SLC39A10: variants seen among roughly 807,000 people sequenced by gnomAD.
SLC39A10 encodes the protein solute carrier family 39 member 10.
A neutral mutation model predicts 65.1 loss-of-function variants in SLC39A10; 13 were observed. The observed-to-expected ratio is 0.20, with a 90% CI of 0.13 to 0.32. The LOEUF is 0.32. Ranked by LOEUF, SLC39A10 falls within the 10% of genes least tolerant of loss-of-function variation. SLC39A10 has a pLI of 1.00. For synonymous variants in SLC39A10, 321 were observed against 342.2 expected (o/e 0.94, Z 0.68); for missense variants, 831 against 1,018.4 (o/e 0.82, Z 2.50).
intron 2 of SLC39A10, among the ~76,000 whole-genome samples, chr2:195,625,668 G>T (rs549182818): frequency 1.3e-4 from 20 of 152,252 alleles, no homozygotes; most frequent in African/African-American, 4.8e-4. Context: ...GTACCTAATT[G>T]TGTGCAAGGC....
chr2:195,698,318 T>G (rs977321078), intron 3 of SLC39A10, among the ~76,000 whole-genome samples: 11 of 152,172 alleles, frequency 7.2e-5, no homozygotes, highest in African/African-American at 2.4e-4. Flanking sequence ...TTTTAATTTT[T>G]TTCTTGCCTA....
In SLC39A10 at chr2:195,618,353, C is replaced by CAA. The variant is rs34831034; in HGVS notation, c.-12+12134_-12+12135dup. Among the ~76,000 whole-genome samples the CAA allele has an allele frequency of 5.3e-4, 55 of 103,898 alleles. 1 individual carries two copies. Among genetic ancestry groups the CAA allele is most frequent in the Admixed American group, 9.5e-4 (10 of 10,500 alleles). The allele number at this position is 103,898 out of a possible 152,430, so 68.2% of individuals were successfully genotyped here. A position where few individuals can be genotyped will look rare whatever the true frequency, so the allele number is the denominator to read the frequency against. On this transcript the variant is annotated intron_variant, in intron 2 of 2. Transcript: ENST00000458054. ...GTGTCAGAATGAGACTCCGTCTCAC[C>CAA]AAAAAAAAAAAAAAAGAGAGAGAAA...
intron 6 of SLC39A10, among the ~76,000 whole-genome samples, chr2:195,715,278 G>A (rs1268724849): frequency 7.9e-5 from 12 of 151,658 alleles, no homozygotes; most frequent in East Asian, 3.9e-4. Context: ...CTGTCATCCC[G>A]GCACTTTGGG....
intron 3 of SLC39A10, among the ~76,000 whole-genome samples, 191 bp from the exon 4 acceptor site, chr2:195,706,425 C>A (rs1423435797): frequency 6.7e-6 from 1 of 149,698 alleles, no homozygotes; most frequent in Non-Finnish European, 1.5e-5. Flanking sequence ...TGTCTTAATT[C>A]TTTTTAAAAA....
In SLC39A10 at chr2:195,735,058, C is replaced by T; in HGVS notation, c.*17C>T. ...CAGTTTTGACCTTTCCCAGTAATCA[C>T]TGTTGATTACGAGAATGTTACCATG... is the stretch of plus-strand genomic sequence containing the variant. On this transcript the variant is annotated 3_prime_UTR_variant, in exon 10 of 10. Coordinates refer to ENST00000359634, the MANE Select transcript of SLC39A10 (RefSeq NM_020342.3). 1 of 1,603,096 alleles carries T rather than the reference C, an allele frequency of 6.2e-7. No individual in the cohort carries two copies. Among genetic ancestry groups the T allele is most frequent in the Non-Finnish European group, 8.5e-7 (1 of 1,175,094 alleles).
At chr2:195,620,807 A>C (rs574354303) in intron 2 of SLC39A10, among the ~76,000 whole-genome samples, 21 of 152,354 alleles carry the variant, frequency 1.4e-4, no homozygotes, top group African/African-American at 5.0e-4. Context: ...GAATGTATCC[A>C]ATCAAAGTTT....
chr2:195,731,804 A>C (rs905887645), intron 9 of SLC39A10, among the ~76,000 whole-genome samples: 2 of 152,206 alleles, frequency 1.3e-5, no homozygotes, highest in Admixed American at 6.5e-5. Flanking sequence ...ATTAGAAGCA[A>C]GGGGAAGGGT....
chr2:195,632,516 C>T (rs1688609458), intron 2 of SLC39A10, among the ~76,000 whole-genome samples: 1 of 151,964 alleles, frequency 6.6e-6, no homozygotes, highest in Admixed American at 6.6e-5. Context: ...CCAGGCTGGT[C>T]TCAAACTCCT....
chr2:195,718,474 G>C (rs1475825011), intron 8 of SLC39A10, 142 bp downstream of exon 8: 1 of 532,076 alleles, frequency 1.9e-6, no homozygotes, highest in Non-Finnish European at 3.4e-6. Flanking sequence ...GATACTTCAT[G>C]ATGTTAAAAT....
intron 5 of SLC39A10, 57 bp downstream of exon 5, chr2:195,708,901 C>A: frequency 7.8e-7 from 1 of 1,278,498 alleles, no homozygotes; most frequent in Non-Finnish European, 1.1e-6. Context: ...AAAAATTATC[C>A]TTTTCTGGGT....
intron 2 of SLC39A10, 43 bp downstream of exon 2, chr2:195,681,093 C>T (rs16838394): frequency 0.13 from 193,972 of 1,543,086 alleles, 13,354 homozygotes; most frequent in African/African-American, 0.23. Context: ...GTAATTCTCA[C>T]ATAATTGTGG....
chr2:195,635,572 A>G (rs140731534), intron 2 of SLC39A10, among the ~76,000 whole-genome samples: 2 of 152,298 alleles, frequency 1.3e-5, no homozygotes, highest in Non-Finnish European at 2.9e-5. Flanking sequence ...CAGGCACCAT[A>G]TAAAGTTTCA....
intron 2 of SLC39A10, among the ~76,000 whole-genome samples, chr2:195,639,555 G>C (rs575263840): frequency 2.0e-5 from 3 of 152,182 alleles, no homozygotes; most frequent in Admixed American, 2.0e-4. Context: ...TTTAATGAGT[G>C]GGAAGTTATG....
At chr2:195,652,613 T>TTATTATGCCGATGAAGCCTCCAC (rs1689061609), upstream of SLC39A10, among the ~76,000 whole-genome samples, 1 of 151,668 alleles carries the variant, frequency 6.6e-6, no homozygotes, top group Non-Finnish European at 1.5e-5. Context: ...ACCAAGGTTC[T>TTATTATGCCGATGAAGCCTCCAC]TATTATGCCG....
intron 2 of SLC39A10, among the ~76,000 whole-genome samples, chr2:195,613,905 G>A (rs1031660999): frequency 6.6e-6 from 1 of 152,084 alleles, no homozygotes; most frequent in Non-Finnish European, 1.5e-5. Flanking sequence ...AAACTTATTA[G>A]CAATGTGGAG....
At chr2:195,656,865 T>C (rs1289722688), upstream of SLC39A10, 1 of 152,230 alleles carries the variant, frequency 6.6e-6, no homozygotes, top group African/African-American at 2.4e-5. Flanking sequence ...AGGCGAATGA[T>C]AAAGGGCGCT....
At chr2:195,657,793 CCTT>C (rs1689216200) in intron 1 of SLC39A10, among the ~76,000 whole-genome samples, 1 of 151,984 alleles carries the variant, frequency 6.6e-6, no homozygotes, top group African/African-American at 2.4e-5. Flanking sequence ...CTTCTCCAGT[CCTT>C]CTCTCTGGTC....
chr2:195,717,188 T>C, intron 7 of SLC39A10, 183 bp downstream of exon 7: 2 of 649,572 alleles, frequency 3.1e-6, no homozygotes, highest in Non-Finnish European at 4.9e-6. Flanking sequence ...TTTAGTGGGG[T>C]TTTTTAGAAC....
rs117105440 is a variant in SLC39A10 at position 195,731,371 on chromosome 2, C to T, written c.2337+3022C>T. Among the ~76,000 whole-genome samples the T allele has an allele frequency of 1.4e-3, 220 of 152,208 alleles. 6 individuals are homozygous for T. In the East Asian group the frequency reaches 0.041, roughly 28 times the overall value. On this transcript the variant is annotated intron_variant, in intron 9 of 9. Coordinates refer to ENST00000359634, the MANE Select transcript of SLC39A10 (RefSeq NM_020342.3). Reference sequence around the variant, plus strand: ...GCATCTTATCTAAAATTTAAATCTCCCCTTCAACATTTCATATCCTCTATC... The same window carrying T: ...GCATCTTATCTAAAATTTAAATCTCTCCTTCAACATTTCATATCCTCTATC...
Sources: allele counts gnomAD v4.1 joint callset (sites outside exome capture counted in the v4.1 genomes callset), GRCh38; gene constraint gnomAD v4.1.1; transcripts MANE v1.5; gene names NCBI Gene and HGNC (gene_info 2026-07-23, HGNC 2026-07-21).